CTNNA2: variants seen among roughly 807,000 people sequenced by gnomAD.
The protein encoded by CTNNA2 is catenin alpha 2.
A neutral mutation model predicts 101.0 loss-of-function variants in CTNNA2; 42 were observed. The observed-to-expected ratio is 0.42, with a 90% confidence interval of 0.32 to 0.54. CTNNA2 has a LOEUF of 0.54. CTNNA2 is among the 20% of genes least tolerant of loss of function. CTNNA2 has a pLI of 0.14. For synonymous variants in CTNNA2, 450 were observed against 456.4 expected, an observed-to-expected ratio of 0.99 and a Z score of 0.18; for missense variants, 871 against 1,223.1, an observed-to-expected ratio of 0.71 and a Z score of 4.29.
chr2:79,982,268 C>CATAT lies in CTNNA2; in HGVS notation c.1056+72477_1056+72480dup, dbSNP rs373827523. The stretch of plus-strand genomic sequence containing the variant: ...TATGTATATGTACACACACACATAA[C>CATAT]ATATATATAATATATATAACATATA... On this transcript the variant is annotated intron_variant, in intron 7 of 18. Coordinates refer to ENST00000402739, the MANE Select transcript of CTNNA2 (RefSeq NM_001282597.3). Among the ~76,000 whole-genome samples the CATAT allele has an allele frequency of 8.2e-4, 89 of 108,984 alleles. 3 individuals carry two copies. Among genetic ancestry groups the CATAT allele is most frequent in the African/African-American group, 2.9e-3 (73 of 25,104 alleles). The allele number at this position is 108,984 out of a possible 152,430, so 71.5% of individuals were successfully genotyped here.
chr2:80,454,622 T>A (rs1683803861), intron 9 of CTNNA2, among the ~76,000 whole-genome samples: 1 of 152,192 alleles, frequency 6.6e-6, no homozygotes, highest in Admixed American at 6.5e-5. Context: ...GATAAGGAGA[T>A]GGATGAGCAG....
intron 2 of CTNNA2, among the ~76,000 whole-genome samples, chr2:79,674,480 G>GA (rs963647693): frequency 6.6e-6 from 1 of 151,982 alleles, no homozygotes; most frequent in African/African-American, 2.4e-5. Context: ...TCACAGGATA[G>GA]AAAAAATATA....
chr2:79,993,037 A>G (rs1003949002), intron 7 of CTNNA2, among the ~76,000 whole-genome samples: 48 of 152,248 alleles, frequency 3.2e-4, no homozygotes, highest in Admixed American at 2.6e-3. Flanking sequence ...CCCATCTACC[A>G]AGAACCATCA....
intron 3 of CTNNA2, among the ~76,000 whole-genome samples, chr2:79,331,753 A>C (rs745834625): frequency 1.3e-5 from 2 of 152,192 alleles, no homozygotes; most frequent in Non-Finnish European, 2.9e-5. Flanking sequence ...ACAACCCTAC[A>C]TATAAAAGCA....
intron 4 of CTNNA2, among the ~76,000 whole-genome samples, chr2:79,460,687 A>G (rs1470319593): frequency 6.6e-6 from 1 of 152,098 alleles, no homozygotes; most frequent in Non-Finnish European, 1.5e-5. Context: ...CCAGACTTTT[A>G]ATGGAAAAGG....
intron 2 of CTNNA2, among the ~76,000 whole-genome samples, chr2:79,260,744 A>C (rs972937045): frequency 6.6e-6 from 1 of 152,182 alleles, no homozygotes; most frequent in Non-Finnish European, 1.5e-5. Flanking sequence ...ACTAATTAGC[A>C]ATACTAGCCA....
intron 1 of CTNNA2, among the ~76,000 whole-genome samples, chr2:79,591,499 T>G (rs1303640634): frequency 1.3e-5 from 2 of 152,160 alleles, no homozygotes; most frequent in East Asian, 1.9e-4. Context: ...TGTCATAAGA[T>G]TCATGTTTAA....
intron 1 of CTNNA2, among the ~76,000 whole-genome samples, chr2:79,579,258 G>GCTTCCTTC (rs796637765): frequency 9.7e-5 from 10 of 102,748 alleles, no homozygotes; most frequent in African/African-American, 3.7e-4. Context: ...TCCCTCCCTC[G>GCTTCCTTC]CTTCCTTCCT....
At position 80,062,316 on chromosome 2, in the gene CTNNA2, C is replaced by G. The variant is rs150422277; in HGVS notation, c.1056+152519C>G. On this transcript the variant is annotated intron_variant, in intron 7 of 18. Transcript: ENST00000402739. ...TATTCTCTGCCCTTTCCATCCTCAT[C>G]TATAATTACTAATAAGTAGTCTCTT... 1.8e-4 allele frequency among the ~76,000 whole-genome samples: 27 copies of G among 152,314 alleles called. No individual in the cohort carries two copies. In the East Asian group the frequency reaches 3.7e-3, roughly 21 times the overall value.
intron 3 of CTNNA2, among the ~76,000 whole-genome samples, chr2:79,760,615 A>G (rs1325310462): frequency 6.6e-6 from 1 of 152,212 alleles, no homozygotes; most frequent in Non-Finnish European, 1.5e-5. Context: ...ATGTCTAGAA[A>G]GCAACAACTT....
chr2:79,204,409 T>C (rs1201953356), intron 2 of CTNNA2, among the ~76,000 whole-genome samples: 2 of 152,220 alleles, frequency 1.3e-5, no homozygotes, highest in Non-Finnish European at 2.9e-5. Flanking sequence ...TTTTATGGAT[T>C]TGTGTGCCAA....
At chr2:80,455,451 T>G (rs892529245) in intron 9 of CTNNA2, among the ~76,000 whole-genome samples, 5 of 152,186 alleles carry the variant, frequency 3.3e-5, no homozygotes, top group African/African-American at 9.7e-5. Context: ...TTTTTGTTTC[T>G]TTTTTGTGGG....
chr2:80,502,382 T>C (rs1341618658), intron 9 of CTNNA2, among the ~76,000 whole-genome samples: 2 of 152,206 alleles, frequency 1.3e-5, no homozygotes, highest in Admixed American at 6.5e-5. Flanking sequence ...GTCCTTTTTC[T>C]TCCCAGAGTC....
intron 17 of CTNNA2, among the ~76,000 whole-genome samples, chr2:80,611,821 G>T (rs1698490212): frequency 6.6e-6 from 1 of 151,432 alleles, no homozygotes; most frequent in Non-Finnish European, 1.5e-5. Context: ...AAAGTTAAAA[G>T]ATAACAGGAG....
chr2:79,346,746 C>G (rs1212843971), intron 3 of CTNNA2, among the ~76,000 whole-genome samples: 1 of 152,196 alleles, frequency 6.6e-6, no homozygotes, highest in Admixed American at 6.5e-5. Context: ...AAATTATATA[C>G]AAGTATGTTA....
At chr2:80,493,552 G>A (rs1687220164) in intron 9 of CTNNA2, among the ~76,000 whole-genome samples, 2 of 152,130 alleles carry the variant, frequency 1.3e-5, no homozygotes, top group Non-Finnish European at 2.9e-5. Context: ...ATTCTACAAA[G>A]GATTAATAAG....
intron 1 of CTNNA2, among the ~76,000 whole-genome samples, chr2:79,581,838 A>G (rs1676165818): frequency 6.6e-6 from 1 of 152,248 alleles, no homozygotes; most frequent in Non-Finnish European, 1.5e-5. Flanking sequence ...TCTAAATGTT[A>G]TGCTAACTTT....
intron 7 of CTNNA2, among the ~76,000 whole-genome samples, chr2:80,331,165 C>T (rs996528382): frequency 3.9e-5 from 6 of 152,054 alleles, no homozygotes; most frequent in African/African-American, 1.4e-4. Flanking sequence ...GCTGAGTCTG[C>T]CATAACTGAG....
intron 1 of CTNNA2, among the ~76,000 whole-genome samples, chr2:79,527,395 G>A (rs1417394123): frequency 6.6e-6 from 1 of 150,594 alleles, no homozygotes; most frequent in Non-Finnish European, 1.5e-5. Context: ...CACTTTGGGA[G>A]GCCAAGGCGG....
Sources: allele counts gnomAD v4.1 joint callset (sites outside exome capture counted in the v4.1 genomes callset), GRCh38; gene constraint gnomAD v4.1.1; transcripts MANE v1.5; gene names NCBI Gene and HGNC (gene_info 2026-07-23, HGNC 2026-07-21).